BLTP2: variants seen among roughly 807,000 people sequenced by gnomAD.
BLTP2 encodes the protein bridge-like lipid transfer protein family member 2.
chr17:28,643,968 C>G, the BLTP2 span: 4 of 1,469,554 alleles, frequency 2.7e-6, no homozygotes, highest in African/African-American at 2.8e-5. Context: ...GAAAAGCCAC[C>G]AGGATTTCTA....
chr17:28,631,909 C>T, the BLTP2 span: 1 of 1,613,998 alleles, frequency 6.2e-7, no homozygotes, highest in Non-Finnish European at 8.5e-7. Flanking sequence ...AAATGAGGCC[C>T]AATAATGTAC....
At chr17:28,642,834 T>A in the BLTP2 span, 1 of 1,214,336 alleles carries the variant, frequency 8.2e-7, no homozygotes, top group Non-Finnish European at 1.2e-6. Flanking sequence ...GAGGCAAGAA[T>A]AGGACGGCTA....
At chr17:28,631,405 G>T in the BLTP2 span, 1 of 1,383,504 alleles carries the variant, frequency 7.2e-7, no homozygotes, top group Non-Finnish European at 1.0e-6. Context: ...CTGGTATTTT[G>T]TTATGGCAGC....
chr17:28,632,236 A>G, the BLTP2 span: 6 of 1,594,344 alleles, frequency 3.8e-6, no homozygotes, highest in Middle Eastern at 2.0e-4. Context: ...GGGCTGGGAT[A>G]TTGCTGCAAA....
chr17:28,636,508 C>T, the BLTP2 span, among the ~76,000 whole-genome samples: 1 of 152,138 alleles, frequency 6.6e-6, no homozygotes, highest in African/African-American at 2.4e-5. Flanking sequence ...ATGTCTGATA[C>T]GTACTTACCT....
the BLTP2 span, among the ~76,000 whole-genome samples, chr17:28,615,421 A>G: frequency 6.6e-6 from 1 of 152,180 alleles, no homozygotes; most frequent in African/African-American, 2.4e-5. Flanking sequence ...ACCCCTTCTA[A>G]ACTTTAGGTT....
chr17:28,634,026 C>T, the BLTP2 span: 4 of 1,614,054 alleles, frequency 2.5e-6, no homozygotes, highest in Admixed American at 3.3e-5. Flanking sequence ...GCCCACAAGT[C>T]GACCCATTAG....
chr17:28,618,956 G>A, the BLTP2 span: 1 of 1,613,608 alleles, frequency 6.2e-7, no homozygotes, highest in African/African-American at 1.3e-5. Flanking sequence ...GCTGCAGTTG[G>A]AAATCCTTAA....
chr17:28,642,779 G>A, the BLTP2 span: 1 of 758,594 alleles, frequency 1.3e-6, no homozygotes, highest in East Asian at 2.4e-5. Context: ...CAACTGCACA[G>A]AATGAGAACT....
At chr17:28,627,095 A>G in the BLTP2 span, among the ~76,000 whole-genome samples, 12 of 152,316 alleles carry the variant, frequency 7.9e-5, no homozygotes, top group South Asian at 8.3e-4. Context: ...CTGCAGAATT[A>G]ATTGCTTGCT....
At chr17:28,628,482 T>TC in the BLTP2 span, 1 of 1,614,190 alleles carries the variant, frequency 6.2e-7, no homozygotes, top group Non-Finnish European at 8.5e-7. Flanking sequence ...GATTGGTAGT[T>TC]GTCCAGGAAA....
the BLTP2 span, chr17:28,618,651 C>T: frequency 1.6e-6 from 1 of 624,976 alleles, no homozygotes; most frequent in South Asian, 2.4e-5. Context: ...GATTAATGAG[C>T]TCGTTAATAT....
chr17:28,634,086 A>T, the BLTP2 span: 1 of 1,613,850 alleles, frequency 6.2e-7, no homozygotes. Flanking sequence ...CCTGATCCGA[A>T]CTGTTACCAG....
the BLTP2 span, chr17:28,619,099 T>C: frequency 1.5e-6 from 1 of 675,872 alleles, no homozygotes; most frequent in Non-Finnish European, 2.4e-6. Flanking sequence ...AGCCAGTCCC[T>C]ACATTTTTTT....
chr17:28,620,459 C>T, the BLTP2 span: 2 of 1,605,108 alleles, frequency 1.2e-6, no homozygotes, highest in Non-Finnish European at 1.7e-6. Flanking sequence ...AGCACAAAGT[C>T]TGGGTGTTCC....
chr17:28,639,123 A>T, the BLTP2 span: 1 of 627,268 alleles, frequency 1.6e-6, no homozygotes, highest in Non-Finnish European at 2.8e-6. Flanking sequence ...ACATAAAAAC[A>T]AAGAGGACAG....
At chr17:28,642,468 G>A in the BLTP2 span, 13 of 718,780 alleles carry the variant, frequency 1.8e-5, no homozygotes, top group African/African-American at 7.1e-5. Flanking sequence ...TGACTAACAC[G>A]GTGAAACCTC....
chr17:28,641,457 C>T, the BLTP2 span, among the ~76,000 whole-genome samples: 6 of 152,048 alleles, frequency 3.9e-5, no homozygotes, highest in African/African-American at 9.6e-5. Flanking sequence ...CTGGCTAACA[C>T]GGCGAAATCC....
the BLTP2 span, chr17:28,643,307 A>G: frequency 1.9e-6 from 3 of 1,614,072 alleles, no homozygotes; most frequent in Non-Finnish European, 2.5e-6. Flanking sequence ...AATGCCACAT[A>G]GTGTCTGCCC....
Sources: gnomAD v4.1 joint callset for allele counts (sites outside exome capture counted in the v4.1 genomes callset) on GRCh38, gnomAD v4.1.1 for gene constraint, MANE v1.5 for transcripts, NCBI Gene and HGNC (gene_info 2026-07-23, HGNC 2026-07-21) for gene names.